The following HSPA12A variants were observed in gnomAD, a reference collection of about 807,000 sequenced individuals.
HSPA12A encodes the protein heat shock 70 kDa protein 12A.
In HSPA12A, 28 loss-of-function variants were observed where a neutral mutation model predicts 69.2. The observed-to-expected ratio is 0.40, with a 90% CI of 0.30 to 0.55. The LOEUF is 0.55. HSPA12A is among the 20% of genes least tolerant of loss of function. The probability of loss-of-function intolerance (pLI) is 0.38; values close to 1 mark genes in which losing one functional copy is unlikely to be tolerated. For missense variants in HSPA12A, 686 were observed against 900.7 expected (o/e 0.76, Z 3.05); for synonymous variants, 345 against 370.5 (o/e 0.93, Z 0.79).
At chr10:116,689,040 CA>C (rs1260339138) in intron 6 of HSPA12A, among the ~76,000 whole-genome samples, 5 of 152,114 alleles carry the variant, frequency 3.3e-5, no homozygotes, top group African/African-American at 1.2e-4. Context: ...GCACTCAACT[CA>C]AGGCGAGTTT....
chr10:116,765,474 A>G (rs1844055671), intron 2 of HSPA12A, among the ~76,000 whole-genome samples: 1 of 152,176 alleles, frequency 6.6e-6, no homozygotes, highest in Non-Finnish European at 1.5e-5. Context: ...GAGGGGGAAA[A>G]AGGAATAATG....
At chr10:116,747,730 G>A (rs1851680761) in intron 2 of HSPA12A, among the ~76,000 whole-genome samples, 1 of 152,218 alleles carries the variant, frequency 6.6e-6, no homozygotes, top group Non-Finnish European at 1.5e-5. Context: ...TGGGCATGGT[G>A]GCTCATGCCT....
chr10:116,752,390 C>A (rs1185335968), intron 2 of HSPA12A, among the ~76,000 whole-genome samples: 2 of 152,222 alleles, frequency 1.3e-5, no homozygotes, highest in Non-Finnish European at 2.9e-5. Flanking sequence ...GTCTTTCCTT[C>A]ATCCTCCCCT....
At chr10:116,732,009 G>T (rs2133048754) in intron 1 of HSPA12A, among the ~76,000 whole-genome samples, 1 of 152,250 alleles carries the variant, frequency 6.6e-6, no homozygotes, top group East Asian at 1.9e-4. Flanking sequence ...CAGAGAGGAG[G>T]GGTGGGTGAC....
At chr10:116,849,075 G>T (rs186734762) in intron 1 of HSPA12A, among the ~76,000 whole-genome samples, 1 of 152,302 alleles carries the variant, frequency 6.6e-6, no homozygotes, top group Admixed American at 6.5e-5. Context: ...CCAACAGAGT[G>T]GGCCTGCCTG....
At chr10:116,821,248 C>A (rs560140997) in intron 2 of HSPA12A, among the ~76,000 whole-genome samples, 5 of 152,330 alleles carry the variant, frequency 3.3e-5, no homozygotes, top group African/African-American at 1.2e-4. Flanking sequence ...CCTTGCCAGG[C>A]CCTATAAGGC....
intron 2 of HSPA12A, 74 bp downstream of exon 2, chr10:116,707,126 C>T: frequency 8.2e-7 from 1 of 1,217,758 alleles, no homozygotes; most frequent in Non-Finnish European, 1.1e-6. Context: ...AGTCAGTACG[C>T]ACGTGTGCTC....
rs550795234 is a variant in HSPA12A at position 116,820,102 on chromosome 10, C to T, written c.91+14833G>A. On this transcript the variant is annotated intron_variant, in intron 2 of 12. Coordinates refer to the HSPA12A transcript ENST00000635765. ...CCTCCCAAAGTGCTGGGATTACCAG[C>T]GTGAGTCACTGTGCCCAGCCAATTT... Among the ~76,000 whole-genome samples, 29 of 152,248 alleles carry T rather than the reference C, an allele frequency of 1.9e-4. No homozygotes were observed. The South Asian group carries it at 5.0e-3, about 26-fold the overall frequency.
intron 2 of HSPA12A, among the ~76,000 whole-genome samples, chr10:116,777,052 C>A (rs1029958896): frequency 3.9e-5 from 6 of 152,200 alleles, no homozygotes; most frequent in African/African-American, 9.6e-5. Context: ...GACCATGGCT[C>A]CTGTGTAGCC....
intron 2 of HSPA12A, among the ~76,000 whole-genome samples, chr10:116,817,060 A>C (rs755868042): frequency 5.9e-4 from 90 of 152,348 alleles, no homozygotes; most frequent in Non-Finnish European, 1.1e-3. Context: ...TGTATTTCTT[A>C]GGCAGAAAGA....
At chr10:116,750,009 C>A in intron 2 of HSPA12A, 1 of 226,840 alleles carries the variant, frequency 4.4e-6, no homozygotes, top group Non-Finnish European at 8.8e-6. Flanking sequence ...AAATGCTTGG[C>A]AATACAGGAT....
At chr10:116,760,175 C>G (rs1843937674) in intron 2 of HSPA12A, among the ~76,000 whole-genome samples, 1 of 152,210 alleles carries the variant, frequency 6.6e-6, no homozygotes, top group Admixed American at 6.5e-5. Flanking sequence ...AACCTGTCCT[C>G]TTCAAGTCAT....
chr10:116,787,767 A>G (rs545422187), intron 2 of HSPA12A, among the ~76,000 whole-genome samples: 2 of 152,306 alleles, frequency 1.3e-5, no homozygotes, highest in East Asian at 3.9e-4. Context: ...TGAAAAGAAG[A>G]GGAAAGAAGG....
chr10:116,713,606 C>G (rs1564791714), intron 1 of HSPA12A, among the ~76,000 whole-genome samples: 1 of 152,016 alleles, frequency 6.6e-6, no homozygotes, highest in African/African-American at 2.4e-5. Flanking sequence ...CTGAGTTTCC[C>G]AAGACAGGAA....
chr10:116,750,100 C>T (rs1436175410), intron 2 of HSPA12A: 2 of 456,062 alleles, frequency 4.4e-6, no homozygotes, highest in African/African-American at 3.9e-5. Context: ...TTGCTTATGC[C>T]TGTATGGAAG....
chr10:116,821,097 C>A lies in HSPA12A; in HGVS notation c.91+13838G>T, dbSNP rs1589725525. Reference sequence around the variant, plus strand: ...CTACATCATCATAATTGCTGCCTCTCCTCTTGCCACCCCACTTCCTACCAA... The same window carrying A: ...CTACATCATCATAATTGCTGCCTCTACTCTTGCCACCCCACTTCCTACCAA... On this transcript the variant is annotated intron_variant, in intron 2 of 12. Coordinates refer to the HSPA12A transcript ENST00000635765. Among the ~76,000 whole-genome samples the A allele has an allele frequency of 2.0e-5, 3 of 152,314 alleles. No individual in the cohort carries two copies. In the South Asian group the frequency reaches 6.2e-4, roughly 32 times the overall value.
At chr10:116,748,161 A>C (rs1851692799) in intron 2 of HSPA12A, among the ~76,000 whole-genome samples, 1 of 152,136 alleles carries the variant, frequency 6.6e-6, no homozygotes, top group Non-Finnish European at 1.5e-5. Context: ...TCTTCTGCAA[A>C]ATACAAAGTG....
At chr10:116,784,173 C>T (rs981268591) in intron 2 of HSPA12A, among the ~76,000 whole-genome samples, 7 of 152,266 alleles carry the variant, frequency 4.6e-5, no homozygotes, top group Non-Finnish European at 1.5e-5. Flanking sequence ...CCCATTTCCT[C>T]TTCCTGGACA....
At chr10:116,679,803 A>G in intron 9 of HSPA12A, 42 bp from the exon 10 acceptor site, 1 of 1,599,460 alleles carries the variant, frequency 6.3e-7, no homozygotes, top group Non-Finnish European at 8.5e-7. Context: ...GTTAAAAACC[A>G]TTAGAAACCC....
Sources: allele counts gnomAD v4.1 joint callset (sites outside exome capture counted in the v4.1 genomes callset), GRCh38; gene constraint gnomAD v4.1.1; transcripts MANE v1.5; gene names NCBI Gene and HGNC (gene_info 2026-07-23, HGNC 2026-07-21).